The following CNTNAP2 variants were observed in gnomAD, a reference collection of about 807,000 sequenced individuals.
CNTNAP2 encodes contactin associated protein 2.
In CNTNAP2, 98 loss-of-function variants were observed where a neutral mutation model predicts 155.2. The ratio of observed to expected loss-of-function variants is 0.63; its 90% CI spans 0.54 to 0.75. CNTNAP2 has a LOEUF of 0.75. CNTNAP2 is among the 30% of genes least tolerant of loss of function. The probability of loss-of-function intolerance (pLI) is 0.00; values close to 1 mark genes in which losing one functional copy is unlikely to be tolerated. For missense variants in CNTNAP2, 1,727 were observed against 1,688.1 expected, an observed-to-expected ratio of 1.02 and a Z score of -0.40; for synonymous variants, 651 against 631.2, an observed-to-expected ratio of 1.03 and a Z score of -0.47.
At chr7:146,641,102 G>A (rs1388471875) in intron 1 of CNTNAP2, among the ~76,000 whole-genome samples, 6 of 152,106 alleles carry the variant, frequency 3.9e-5, no homozygotes, top group Admixed American at 1.3e-4. Flanking sequence ...TGAGGTGGGC[G>A]GATCACAAGG....
chr7:148,243,089 A>G (rs1288599781), intron 20 of CNTNAP2, among the ~76,000 whole-genome samples: 1 of 152,176 alleles, frequency 6.6e-6, no homozygotes, highest in Non-Finnish European at 1.5e-5. Flanking sequence ...AAAACACATG[A>G]GCGAATGGCT....
intron 1 of CNTNAP2, among the ~76,000 whole-genome samples, chr7:146,234,964 G>A (rs1483600044): frequency 1.3e-5 from 2 of 152,086 alleles, no homozygotes; most frequent in East Asian, 1.9e-4. Flanking sequence ...CCTTGGAGAG[G>A]TGGATCCGTA....
chr7:148,415,708 A>T lies in CNTNAP2; in HGVS notation c.*92A>T. 1 of 1,411,308 alleles carries T rather than the reference A, an allele frequency of 7.1e-7. No individual in the cohort carries two copies. The highest frequency in any genetic ancestry group is 1.8e-5 in the Admixed American group (1 of 54,066). 87.4% of individuals were successfully genotyped at this position (1,411,308 alleles called of 1,614,324 possible). On this transcript the variant is annotated 3_prime_UTR_variant, in exon 24 of 24. Transcript: ENST00000361727. Reference sequence around the variant, plus strand: ...CACCCTGCTTCATACTCTTGAGCACATCCTTAAAATATCAGCACAAGTTGG... The same window carrying T: ...CACCCTGCTTCATACTCTTGAGCACTTCCTTAAAATATCAGCACAAGTTGG...
At position 146,929,210 on chromosome 7, in the gene CNTNAP2, T is replaced by C. The variant is rs1796687846; in HGVS notation, c.402+89306T>C. ...CCCCCAGTAGGGGCAGACTGACACCTCACACGGCCGGGTACTCCTCTGAGA... is the reference window on the plus strand; with the variant it reads ...CCCCCAGTAGGGGCAGACTGACACCCCACACGGCCGGGTACTCCTCTGAGA... On this transcript the variant is annotated intron_variant, in intron 3 of 23. Transcript: ENST00000361727. Among the ~76,000 whole-genome samples the C allele has an allele frequency of 5.9e-5, 9 of 152,204 alleles. No homozygotes were observed. In the South Asian group the frequency reaches 1.9e-3, roughly 32 times the overall value.
intron 1 of CNTNAP2, among the ~76,000 whole-genome samples, chr7:146,239,219 C>T (rs531094368): frequency 6.6e-6 from 1 of 150,718 alleles, no homozygotes; most frequent in South Asian, 2.1e-4. Flanking sequence ...GTGGCATTTT[C>T]CCCCCTGATG....
chr7:147,280,142 A>G (rs1464213654), intron 8 of CNTNAP2, among the ~76,000 whole-genome samples: 1 of 151,930 alleles, frequency 6.6e-6, no homozygotes, highest in African/African-American at 2.4e-5. Flanking sequence ...AGACATTACC[A>G]GAGTGGGAAA....
At chr7:146,547,227 T>G (rs1437405893) in intron 1 of CNTNAP2, among the ~76,000 whole-genome samples, 2 of 152,004 alleles carry the variant, frequency 1.3e-5, no homozygotes, top group Non-Finnish European at 2.9e-5. Context: ...GAGACTTTAA[T>G]TAAGCCATAG....
At chr7:147,435,102 A>C (rs192240988) in intron 10 of CNTNAP2, among the ~76,000 whole-genome samples, 232 of 152,138 alleles carry the variant, frequency 1.5e-3, no homozygotes, top group Middle Eastern at 3.4e-3. Context: ...TTTTGTACAA[A>C]CCCTGCTCTG....
chr7:148,342,625 A>G lies in CNTNAP2; in HGVS notation c.3476-41024A>G, dbSNP rs74962451. 9.3e-3 allele frequency among the ~76,000 whole-genome samples: 1,409 copies of G among 152,308 alleles called. 20 individuals carry two copies. Among genetic ancestry groups the G allele is most frequent in the African/African-American group, 0.032 (1,337 of 41,560 alleles). On this transcript the variant is annotated intron_variant, in intron 21 of 23. Coordinates refer to ENST00000361727, the MANE Select transcript of CNTNAP2 (RefSeq NM_014141.6). ...TTCATTTTTTAATACTGCTAGCTCA[A>G]TTTTTATTTCTTATTCCTTTGAAAT...
intron 1 of CNTNAP2, among the ~76,000 whole-genome samples, chr7:146,267,605 G>A (rs888524019): frequency 2.6e-5 from 4 of 152,132 alleles, no homozygotes; most frequent in South Asian, 2.1e-4. Flanking sequence ...AGGGAACTGC[G>A]TTGGCCTTTT....
chr7:148,266,957 A>C, intron 20 of CNTNAP2, 76 bp from the exon 21 acceptor site: 2 of 1,328,518 alleles, frequency 1.5e-6, no homozygotes, highest in Non-Finnish European at 2.2e-6. Flanking sequence ...GAGTGATGTC[A>C]TCCCCACAGG....
chr7:146,932,920 T>G (rs1473330202), intron 3 of CNTNAP2, among the ~76,000 whole-genome samples: 5 of 151,920 alleles, frequency 3.3e-5, no homozygotes, highest in South Asian at 2.1e-4. Flanking sequence ...ACAAACCACT[T>G]CTCAATGAAA....
intron 12 of CNTNAP2, among the ~76,000 whole-genome samples, chr7:147,631,853 A>G (rs559477273): frequency 6.6e-6 from 1 of 152,346 alleles, no homozygotes; most frequent in African/African-American, 2.4e-5. Context: ...AAAGACTTAA[A>G]TGTAAGTCCT....
At chr7:146,797,699 C>G (rs1231854984) in intron 2 of CNTNAP2, among the ~76,000 whole-genome samples, 1 of 152,188 alleles carries the variant, frequency 6.6e-6, no homozygotes, top group Admixed American at 6.5e-5. Flanking sequence ...TGCTGCAGAA[C>G]AAGCTACCAC....
intron 8 of CNTNAP2, among the ~76,000 whole-genome samples, chr7:147,267,993 C>T (rs1008380431): frequency 6.6e-5 from 10 of 152,120 alleles, no homozygotes; most frequent in African/African-American, 2.4e-4. Context: ...GAAGGTTCCT[C>T]CCACACACAT....
chr7:146,973,893 C>T (rs866461828), intron 3 of CNTNAP2, among the ~76,000 whole-genome samples: 1 of 152,252 alleles, frequency 6.6e-6, no homozygotes, highest in South Asian at 2.1e-4. Context: ...ACAATGATGA[C>T]TTCATGAATA....
chr7:148,044,967 C>G (rs1802750488), intron 15 of CNTNAP2, among the ~76,000 whole-genome samples: 1 of 152,162 alleles, frequency 6.6e-6, no homozygotes, highest in Admixed American at 6.5e-5. Context: ...GCTGAGATGA[C>G]AGGCGGGAGC....
At chr7:147,226,504 A>G (rs907296140) in intron 8 of CNTNAP2, among the ~76,000 whole-genome samples, 22 of 151,634 alleles carry the variant, frequency 1.5e-4, no homozygotes, top group South Asian at 2.1e-4. Context: ...TAGGAGATCA[A>G]TGAGGAGCAT....
intron 1 of CNTNAP2, among the ~76,000 whole-genome samples, chr7:146,407,632 A>C (rs1393696040): frequency 6.6e-6 from 1 of 152,190 alleles, no homozygotes; most frequent in Non-Finnish European, 1.5e-5. Context: ...CAGAAACTTC[A>C]TTTGCCTCCT....
Sources: allele counts gnomAD v4.1 joint callset (sites outside exome capture counted in the v4.1 genomes callset), GRCh38; gene constraint gnomAD v4.1.1; transcripts MANE v1.5; gene names NCBI Gene and HGNC (gene_info 2026-07-23, HGNC 2026-07-21).